Variants in DIAPH3 observed in about 807,000 individuals in gnomAD.
DIAPH3 encodes diaphanous related formin 3.
In DIAPH3, 117 loss-of-function variants were observed where a neutral mutation model predicts 144.3. The observed-to-expected ratio is 0.81, with a 90% CI of 0.70 to 0.95. DIAPH3 has a LOEUF of 0.95. Among genes scored for constraint, DIAPH3 ranks in the 40% least tolerant of loss-of-function variants. DIAPH3 has a pLI of 0.00. For synonymous variants in DIAPH3, 519 were observed against 488.9 expected, an observed-to-expected ratio of 1.06 and a Z score of -0.81; for missense variants, 1,421 against 1,412.7, an observed-to-expected ratio of 1.01 and a Z score of -0.09.
At chr13:60,059,699 G>A (rs563549327) in intron 4 of DIAPH3, among the ~76,000 whole-genome samples, 2 of 151,832 alleles carry the variant, frequency 1.3e-5, no homozygotes, top group Non-Finnish European at 2.9e-5. Flanking sequence ...TTGGGGGGTG[G>A]GGGAGCTGAT....
At chr13:59,680,921 C>T (rs2032907235) in intron 27 of DIAPH3, among the ~76,000 whole-genome samples, 1 of 152,142 alleles carries the variant, frequency 6.6e-6, no homozygotes, top group Non-Finnish European at 1.5e-5. Flanking sequence ...AGACCGCTGT[C>T]TGGAGTAGAA....
At chr13:60,093,370 G>A (rs2137909828) in intron 4 of DIAPH3, among the ~76,000 whole-genome samples, 1 of 152,242 alleles carries the variant, frequency 6.6e-6, no homozygotes, top group East Asian at 1.9e-4. Flanking sequence ...CACTAACAAG[G>A]AAAGGTGACA....
intron 27 of DIAPH3, among the ~76,000 whole-genome samples, chr13:59,697,149 C>T (rs1002378907): frequency 1.3e-5 from 2 of 151,790 alleles, no homozygotes; most frequent in Non-Finnish European, 2.9e-5. Flanking sequence ...GGTAAGACAG[C>T]AGAAAGGTTT....
intron 17 of DIAPH3, among the ~76,000 whole-genome samples, chr13:59,944,432 AC>A (rs879672603): frequency 3.9e-5 from 6 of 152,214 alleles, no homozygotes; most frequent in Non-Finnish European, 5.9e-5. Context: ...AAAGAAGCAA[AC>A]TATGGCTCTG....
intron 27 of DIAPH3, among the ~76,000 whole-genome samples, chr13:59,670,246 G>A (rs1407354955): frequency 6.6e-6 from 1 of 152,170 alleles, no homozygotes; most frequent in African/African-American, 2.4e-5. Flanking sequence ...ACAAGACAGT[G>A]TAAAAAGGAA....
At chr13:59,710,837 TA>T (rs1046447743) in intron 27 of DIAPH3, among the ~76,000 whole-genome samples, 7 of 152,026 alleles carry the variant, frequency 4.6e-5, no homozygotes, top group East Asian at 1.9e-4. Context: ...ATAAACAAGT[TA>T]AAAAAAATTC....
At chr13:59,869,852 A>G (rs1194094831) in intron 21 of DIAPH3, among the ~76,000 whole-genome samples, 1 of 152,048 alleles carries the variant, frequency 6.6e-6, no homozygotes, top group African/African-American at 2.4e-5. Flanking sequence ...TTTATTTCTT[A>G]GTTTTAAGAG....
chr13:60,092,588 T>C (rs1309427766), intron 4 of DIAPH3, among the ~76,000 whole-genome samples: 2 of 152,014 alleles, frequency 1.3e-5, no homozygotes, highest in Non-Finnish European at 2.9e-5. Flanking sequence ...GAGGCGGAGC[T>C]TGCAGTGAGC....
chr13:59,983,165 A>G (rs567660411), intron 13 of DIAPH3, among the ~76,000 whole-genome samples: 1 of 139,888 alleles, frequency 7.1e-6, no homozygotes, highest in Non-Finnish European at 1.6e-5. Context: ...AAAAACTCTC[A>G]AGTTATAGAA....
At chr13:59,992,721 C>A in intron 9 of DIAPH3, 138 bp from the exon 10 acceptor site, 1 of 693,806 alleles carries the variant, frequency 1.4e-6, no homozygotes, top group Non-Finnish European at 2.5e-6. Flanking sequence ...ATATTTCAGT[C>A]AGTTATAAAC....
chr13:59,860,272 T>A (rs1450965067), intron 22 of DIAPH3, among the ~76,000 whole-genome samples: 1 of 152,124 alleles, frequency 6.6e-6, no homozygotes, highest in Non-Finnish European at 1.5e-5. Context: ...TGAATTCCAA[T>A]ATTAAAAAGA....
chr13:59,676,216 T>C lies in DIAPH3; in HGVS notation c.3320-9370A>G, dbSNP rs565890463. Among the ~76,000 whole-genome samples the C allele has an allele frequency of 5.3e-5, 8 of 152,358 alleles. 1 individual carries two copies. Among genetic ancestry groups the C allele is most frequent in the African/African-American group, 1.9e-4 (8 of 41,588 alleles). Reference sequence around the variant, plus strand: ...CTCGAATTACATTTAGTTAGCATCCTATCAAGTAGCTATCCAGACTCAGTT... The same window carrying C: ...CTCGAATTACATTTAGTTAGCATCCCATCAAGTAGCTATCCAGACTCAGTT... On this transcript the variant is annotated intron_variant, in intron 27 of 27. Transcript: ENST00000400324.
chr13:59,870,782 T>C (rs1455481697), intron 21 of DIAPH3, among the ~76,000 whole-genome samples: 1 of 151,894 alleles, frequency 6.6e-6, no homozygotes, highest in Non-Finnish European at 1.5e-5. Context: ...GCGACTCTCC[T>C]GTCTCAGCCT....
chr13:60,158,281 CAA>C (rs1328270745), intron 1 of DIAPH3, among the ~76,000 whole-genome samples: 2 of 152,188 alleles, frequency 1.3e-5, no homozygotes, highest in Non-Finnish European at 2.9e-5. Context: ...TTTTACAGAG[CAA>C]AGACATCTTT....
chr13:59,901,535 C>T (rs2046432719), intron 20 of DIAPH3, among the ~76,000 whole-genome samples: 1 of 152,218 alleles, frequency 6.6e-6, no homozygotes, highest in African/African-American at 2.4e-5. Flanking sequence ...AGAGCATTCA[C>T]TACTATCTGA....
In DIAPH3 at chr13:59,695,257, G is replaced by T. The variant is rs573487955; in HGVS notation, c.3320-28411C>A. The T allele has an allele frequency of 9.2e-5, 14 of 152,316 alleles. No homozygotes were observed. The South Asian group carries it at 2.5e-3, about 27-fold the overall frequency. 9.4% of individuals were successfully genotyped at this position (152,316 alleles called of 1,614,324 possible). On this transcript the variant is annotated intron_variant, in intron 27 of 27. Coordinates refer to ENST00000400324, the MANE Select transcript of DIAPH3 (RefSeq NM_001042517.2). ...TGGTTGTAGCTGATATTTACTTGAA[G>T]GCAAGCAGCATAAATGTCTTTAAAG...
Position 60,008,528 on chromosome 13 carries a change from TAC to T in DIAPH3, c.1014+14_1014+15del. On this transcript the variant is annotated intron_variant, in intron 9 of 27. Coordinates refer to ENST00000400324, the MANE Select transcript of DIAPH3 (RefSeq NM_001042517.2). ...ATGCCATTTAAAAACAGATTTTATA[TAC>T]ACACAAAACTTACTTGCAGTTGAAC... 6.4e-7 allele frequency: 1 copy of T among 1,560,542 alleles called. No homozygotes were observed. Among genetic ancestry groups the T allele is most frequent in the South Asian group, 1.1e-5 (1 of 89,428 alleles).
chr13:59,929,340 T>C (rs921020130), intron 17 of DIAPH3, among the ~76,000 whole-genome samples: 2 of 152,116 alleles, frequency 1.3e-5, no homozygotes, highest in Non-Finnish European at 2.9e-5. Context: ...TTTTATATAA[T>C]TAACCATCTT....
intron 1 of DIAPH3, chr13:60,147,465 A>G (rs1478915652): frequency 6.6e-6 from 1 of 152,216 alleles, no homozygotes; most frequent in African/African-American, 2.4e-5. Context: ...AGAAACTTCA[A>G]TCTGTAAGGT....
Sources: gnomAD v4.1 joint callset for allele counts (sites outside exome capture counted in the v4.1 genomes callset) on GRCh38, gnomAD v4.1.1 for gene constraint, MANE v1.5 for transcripts, NCBI Gene and HGNC (gene_info 2026-07-23, HGNC 2026-07-21) for gene names.